TSEN54: variants seen among roughly 807,000 people sequenced by gnomAD.
TSEN54 encodes the protein tRNA-splicing endonuclease subunit Sen54.
A neutral mutation model predicts 61.9 loss-of-function variants in TSEN54; 55 were observed. That is an observed-to-expected ratio of 0.89 (90% CI 0.72 to 1.11). The LOEUF (loss-of-function observed/expected upper bound fraction) is 1.11, where lower values mean the gene tolerates loss of function less well. TSEN54 is among the 50% of genes most tolerant of loss of function. TSEN54 has a pLI of 0.00. For synonymous variants in TSEN54, 304 were observed against 288.7 expected, an observed-to-expected ratio of 1.05 and a Z score of -0.54; for missense variants, 760 against 687.7, an observed-to-expected ratio of 1.11 and a Z score of -1.18.
chr17:75,522,153 G>A lies in TSEN54; in HGVS notation c.1072G>A (p.Glu358Lys). 6.4e-7 allele frequency: 1 copy of A among 1,557,154 alleles called. No individual in the cohort carries two copies. Among genetic ancestry groups the A allele is most frequent in the East Asian group, 2.4e-5 (1 of 41,424 alleles). The change falls in exon 8 of 11, where the codon GAG becomes AAG. Residue 358 changes from glutamate (E) to lysine (K), a missense_variant. By Grantham distance (56) the Glu-to-Lys change is moderately conservative (BLOSUM62 1). Around this residue, in one of 3 missense-constraint regions of TSEN54, gnomAD observed 667 missense variants for 577.8 expected, o/e 1.15. Coordinates refer to ENST00000333213, the MANE Select transcript of TSEN54 (RefSeq NM_207346.3). Reference sequence around the variant, plus strand: ...CAGGCGGGAACGGGAGCACCACGCGGAGGCCGCGCAGTTCCAGGAAGATGT... The same window carrying A: ...CAGGCGGGAACGGGAGCACCACGCGAAGGCCGCGCAGTTCCAGGAAGATGT... ...LSRREREHHA[E>K]AAQFQEDVNA...
chr17:75,519,006 C>A lies in TSEN54; in HGVS notation c.480C>A (p.His160Gln). The A allele has an allele frequency of 6.2e-7, 1 of 1,613,540 alleles. No individual in the cohort carries two copies. ...VTFLQYQVFS[H>Q]LKRLGYVVRR... ...TTTTTTCTTTTGAGGTCTTCAGCCA[C>A]CTGAAGAGGTTGGGTTATGTGGTTC... is the stretch of plus-strand genomic sequence containing the variant. The change falls in exon 6 of 11, where the codon CAC (histidine) becomes CAA (glutamine). Residue 160 changes from histidine (H) to glutamine (Q), a missense_variant. His to Gln is a conservative substitution (Grantham distance 24). Transcript: ENST00000333213.
chr17:75,523,681 G>A lies in TSEN54; in HGVS notation c.1332G>A (p.Gly444=). 6.2e-7 allele frequency: 1 copy of A among 1,614,146 alleles called. No individual in the cohort carries two copies. Among genetic ancestry groups the A allele is most frequent in the Non-Finnish European group, 8.5e-7 (1 of 1,180,040 alleles). Residue 444 remains glycine, a synonymous_variant, in exon 10 of 11, where the codon GGG becomes GGA. Transcript: ENST00000333213. ...TTGTCAGGCTGTTGGAGAAGTCTGG[G>A]GGCTTGGAAATCATCTTTGATGTTT... is the stretch of plus-strand genomic sequence containing the variant. The part of the protein sequence containing the change: ...DGGARLLEKS[G]GLEIIFDVYQ...
Position 75,521,758 on chromosome 17 carries a change from TG to T in TSEN54, c.679del (p.Ala227GlnfsTer25). ...GACAACTCCCTGCAACCCAAGAGTCTGGCAGCCTCCAGCCCACCTCCCTGCA... is the reference window on the plus strand; with the variant it reads ...GACAACTCCCTGCAACCCAAGAGTCTGCAGCCTCCAGCCCACCTCCCTGCA... Reference protein sequence around the residue: ...ALDNSLQPKSLAASSPPPCSQ... With the variant: ...ALDNSLQPKSXAASSPPPCSQ... On this transcript the variant is annotated frameshift_variant, in exon 8 of 11. Transcript: ENST00000333213. LOFTEE classifies it high-confidence loss of function. 1 of 1,612,914 alleles carries T rather than the reference TG, an allele frequency of 6.2e-7. No homozygotes were observed. Among genetic ancestry groups the T allele is most frequent in the Non-Finnish European group, 8.5e-7 (1 of 1,179,964 alleles).
At chr17:75,517,130 CCTTGTGACA>C in intron 3 of TSEN54, 22 bp from the exon 4 acceptor site, 1 of 1,520,996 alleles carries the variant, frequency 6.6e-7, no homozygotes, top group Non-Finnish European at 9.0e-7. Flanking sequence ...GCCCTCCCTC[CCTTGTGACA>C]CTTGCTCTGG....
At chr17:75,520,872 C>T (rs2053420128) in intron 6 of TSEN54, among the ~76,000 whole-genome samples, 1 of 151,162 alleles carries the variant, frequency 6.6e-6, no homozygotes, top group Non-Finnish European at 1.5e-5. Flanking sequence ...AGGAGAATCG[C>T]TTGAACCCAG....
At chr17:75,521,644 T>C in intron 7 of TSEN54, 61 bp from the exon 8 acceptor site, 6 of 1,591,838 alleles carry the variant, frequency 3.8e-6, no homozygotes, top group Admixed American at 3.3e-5. Context: ...TCAGCTCCCA[T>C]GGGACGTGTG....
intron 4 of TSEN54, 77 bp from the exon 5 acceptor site, chr17:75,517,480 A>G: frequency 7.4e-7 from 1 of 1,351,646 alleles, no homozygotes; most frequent in Non-Finnish European, 1.1e-6. Flanking sequence ...GGGAGGTATC[A>G]GAGCTGGGAA....
intron 6 of TSEN54, among the ~76,000 whole-genome samples, chr17:75,519,757 C>T (rs1487651726): frequency 6.6e-6 from 1 of 151,888 alleles, no homozygotes; most frequent in African/African-American, 2.4e-5. Context: ...ATTTTTAGTA[C>T]AGATGGGGTT....
chr17:75,520,853 T>C (rs7225469), intron 6 of TSEN54, among the ~76,000 whole-genome samples: 134,754 of 151,536 alleles, frequency 0.89, 60,703 homozygotes, highest in African/African-American at 0.98. Flanking sequence ...CTACTCGGGA[T>C]GCTGAGGCAG....
chr17:75,523,791 G>A lies in TSEN54; in HGVS notation c.1430+12G>A. On this transcript the variant is annotated intron_variant, in intron 10 of 10. Coordinates refer to ENST00000333213, the MANE Select transcript of TSEN54 (RefSeq NM_207346.3). The stretch of plus-strand genomic sequence containing the variant: ...ATGTGCATTAGTGGGTACGCAGTGA[G>A]CCAGCACTGCCCCTCCCCCAGCTGC... 6.2e-7 allele frequency: 1 copy of A among 1,612,222 alleles called. No individual in the cohort carries two copies. The highest frequency in any genetic ancestry group is 1.1e-5 in the South Asian group (1 of 90,900).
chr17:75,523,438 G>T (rs2053453053), intron 9 of TSEN54, 103 bp downstream of exon 9: 1 of 1,607,758 alleles, frequency 6.2e-7, no homozygotes, highest in Non-Finnish European at 8.5e-7. Context: ...GACTGTTCCA[G>T]GGACTCCTAC....
At chr17:75,520,824 C>T (rs570102177) in intron 6 of TSEN54, among the ~76,000 whole-genome samples, 2 of 151,798 alleles carry the variant, frequency 1.3e-5, no homozygotes, top group Non-Finnish European at 2.9e-5. Context: ...CATGGTGGCA[C>T]GCGCCTGTAG....
chr17:75,523,605 G>T, intron 9 of TSEN54, 58 bp from the exon 10 acceptor site: 2 of 1,614,008 alleles, frequency 1.2e-6, no homozygotes, highest in Non-Finnish European at 1.7e-6. Flanking sequence ...AGGGTGGGAT[G>T]GAAAAGAAAG....
Position 75,521,449 on chromosome 17 carries a change from G to A in TSEN54, c.562G>A (p.Ala188Thr). The change falls in exon 7 of 11, where the codon GCC becomes ACC. Residue 188 changes from alanine (A) to threonine (T), a missense_variant. By Grantham distance (58) the Ala-to-Thr change is moderately conservative (BLOSUM62 0). Coordinates refer to ENST00000333213, the MANE Select transcript of TSEN54 (RefSeq NM_207346.3). ...GTATGAGAGGCAGCTTAACCTGGAT[G>A]CCAGCGTGCAGCACTTGGAGGATGG... ...SPYERQLNLD[A>T]SVQHLEDGDG... The A allele has an allele frequency of 6.2e-7, 1 of 1,614,136 alleles. No individual in the cohort carries two copies. The highest frequency in any genetic ancestry group is 8.5e-7 in the Non-Finnish European group (1 of 1,180,032).
Position 75,521,961 on chromosome 17 carries a change from C to G in TSEN54, c.880C>G (p.Arg294Gly). The G allele has an allele frequency of 1.9e-6, 3 of 1,609,596 alleles. No individual in the cohort carries two copies. The highest frequency in any genetic ancestry group is 1.7e-6 in the Non-Finnish European group (2 of 1,178,702). Residue 294 changes from arginine to glycine, a missense_variant, in exon 8 of 11, where the codon CGG becomes GGG. By Grantham distance (125) the Arg-to-Gly change is moderately radical. Around this residue, in one of 3 missense-constraint regions of TSEN54, gnomAD observed 667 missense variants for 577.8 expected, o/e 1.15. Transcript: ENST00000333213. ...AENGVTGAGK[R>G]RWNFEQISFP... ...GAACGGAGTCACGGGAGCCGGTAAG[C>G]GGCGCTGGAACTTCGAGCAGATCTC... is the stretch of plus-strand genomic sequence containing the variant.
rs2053483856 is a variant in TSEN54 at position 75,524,629 on chromosome 17, T to C, written c.*217T>C. ...GACCCCTCTGGAACTCAGGACTCGA[T>C]TTTAAGGACCCAGGAGGTGGGGCAG... On this transcript the variant is annotated 3_prime_UTR_variant, in exon 11 of 11. Coordinates refer to ENST00000333213, the MANE Select transcript of TSEN54 (RefSeq NM_207346.3). 1.5e-6 allele frequency: 1 copy of C among 675,958 alleles called. No individual in the cohort carries two copies. The highest frequency in any genetic ancestry group is 2.7e-6 in the Non-Finnish European group (1 of 375,210). The allele number at this position is 675,958 out of a possible 1,614,324, so 41.9% of individuals were successfully genotyped here. A position where few individuals can be genotyped will look rare whatever the true frequency, so the allele number is the denominator to read the frequency against.
rs1407313444 is a variant in TSEN54 at position 75,517,107 on chromosome 17, C to A, written c.285+35C>A. The A allele has an allele frequency of 9.3e-6, 11 of 1,185,466 alleles. No homozygotes were observed. In the African/African-American group the frequency reaches 1.9e-4, roughly 20 times the overall value. 73.4% of individuals were successfully genotyped at this position (1,185,466 alleles called of 1,614,324 possible). A position where few individuals can be genotyped will look rare whatever the true frequency, so the allele number is the denominator to read the frequency against. On this transcript the variant is annotated intron_variant, in intron 3 of 10. Coordinates refer to ENST00000333213, the MANE Select transcript of TSEN54 (RefSeq NM_207346.3). ...GGGCTCGGGGACCGGGGACCGCCCT[C>A]CCTGCCCTCCCTGCCCTCCCTCCCT...
Position 75,523,650 on chromosome 17 carries a change from A to G in TSEN54, c.1314-13A>G, listed in dbSNP as rs2053457714. On this transcript the variant is annotated splice_polypyrimidine_tract_variant and intron_variant, in intron 9 of 10. Transcript: ENST00000333213. ...AAGAGTTCATGTCATAACGTTTCTCATTGTATTGTCAGGCTGTTGGAGAAG... is the reference window on the plus strand; with the variant it reads ...AAGAGTTCATGTCATAACGTTTCTCGTTGTATTGTCAGGCTGTTGGAGAAG... The G allele has an allele frequency of 1.9e-6, 3 of 1,614,140 alleles. No homozygotes were observed. Among genetic ancestry groups the G allele is most frequent in the Middle Eastern group, 3.3e-4 (2 of 6,062 alleles).
At chr17:75,522,464 A>T (rs902867573) in intron 8 of TSEN54, 131 bp downstream of exon 8, 4 of 1,513,314 alleles carry the variant, frequency 2.6e-6, no homozygotes, top group Non-Finnish European at 3.5e-6. Flanking sequence ...GTGGACCCAC[A>T]AGCACGGTCA....
Sources: gnomAD v4.1 joint callset for allele counts (sites outside exome capture counted in the v4.1 genomes callset) on GRCh38, gnomAD v4.1.1 for gene constraint, gnomAD v4.1.1 regional missense constraint, MANE v1.5 for transcripts, NCBI Gene and HGNC (gene_info 2026-07-23, HGNC 2026-07-21) for gene names.